PAPPA: variants seen among roughly 807,000 people sequenced by gnomAD.
The protein encoded by PAPPA is pappalysin-1.
PAPPA carries 60 observed loss-of-function variants against 164.0 expected under a neutral mutation model. The ratio of observed to expected loss-of-function variants is 0.37; its 90% CI spans 0.30 to 0.45. PAPPA has a LOEUF of 0.45. Ranked by LOEUF, PAPPA falls within the 20% of genes least tolerant of loss-of-function variation. The pLI, the probability that PAPPA is intolerant of heterozygous loss-of-function variation, is 1.00. For missense variants in PAPPA, 1,782 were observed against 2,087.3 expected (o/e 0.85, Z 2.85); for synonymous variants, 875 against 814.1 (o/e 1.07, Z -1.27).
At position 116,187,450 on chromosome 9, in the gene PAPPA, C is replaced by T; in HGVS notation, c.712C>T (p.Leu238Phe). The T allele has an allele frequency of 6.2e-7, 1 of 1,614,162 alleles. No homozygotes were observed. ...CCCACTGACCCAGAAGTGCAAAGTGCTCATGTTAGGGGGCAGTGCCCTGAA... is the reference window on the plus strand; with the variant it reads ...CCCACTGACCCAGAAGTGCAAAGTGTTCATGTTAGGGGGCAGTGCCCTGAA... ...FSPLTQKCKV[L>F]MLGGSALNHN... The change falls in exon 2 of 22, where the codon CTC (leucine) becomes TTC (phenylalanine). Residue 238 changes from leucine to phenylalanine, a missense_variant. Transcript: ENST00000328252. The surrounding 1 kb of genome is among the most constrained non-coding windows in gnomAD (Gnocchi z 4.2).
chr9:116,235,028 C>G, intron 6 of PAPPA, 111 bp from the exon 7 acceptor site: 1 of 1,203,048 alleles, frequency 8.3e-7, no homozygotes, highest in Non-Finnish European at 1.2e-6. Flanking sequence ...CTCCTTTTCC[C>G]CTCTGTCTAA....
At chr9:116,274,362 A>T (rs1236049315) in intron 9 of PAPPA, among the ~76,000 whole-genome samples, 1 of 152,246 alleles carries the variant, frequency 6.6e-6, no homozygotes, top group African/African-American at 2.4e-5. Context: ...CAGGGACTAC[A>T]TTCCAAGGAC....
intron 7 of PAPPA, among the ~76,000 whole-genome samples, chr9:116,246,492 G>GA (rs1844798571): frequency 6.6e-6 from 1 of 152,146 alleles, no homozygotes; most frequent in African/African-American, 2.4e-5. Flanking sequence ...TTACAGCTGA[G>GA]AAAACTAATG....
intron 18 of PAPPA, among the ~76,000 whole-genome samples, chr9:116,366,736 G>T (rs1229774918): frequency 6.6e-6 from 1 of 152,168 alleles, no homozygotes; most frequent in African/African-American, 2.4e-5. Flanking sequence ...GAGAGCTATT[G>T]ATATCACACT....
At chr9:116,364,421 A>G (rs1846472235) in intron 18 of PAPPA, among the ~76,000 whole-genome samples, 1 of 152,218 alleles carries the variant, frequency 6.6e-6, no homozygotes, top group Admixed American at 6.5e-5. Context: ...GAAATGCTTC[A>G]TAAACAAACA....
chr9:116,375,483 A>G (rs545688542), intron 19 of PAPPA, among the ~76,000 whole-genome samples: 1 of 152,374 alleles, frequency 6.6e-6, no homozygotes, highest in South Asian at 2.1e-4. Context: ...CTGATGCTCT[A>G]GAAGACAGGA....
rs888306043 is a variant in PAPPA at position 116,388,921 on chromosome 9, C to T, written c.4776+6428C>T. ...GAGAACATGGTTTCTTAAGAAAAGA[C>T]ATTATACCCAACATGTAGCACATTG... On this transcript the variant is annotated intron_variant, in intron 21 of 21. Coordinates refer to ENST00000328252, the MANE Select transcript of PAPPA (RefSeq NM_002581.5). Among the ~76,000 whole-genome samples the T allele has an allele frequency of 6.6e-5, 10 of 152,270 alleles. No homozygotes were observed. In the East Asian group the frequency reaches 1.9e-3, roughly 29 times the overall value.
At chr9:116,210,660 G>A (rs940445087) in intron 3 of PAPPA, among the ~76,000 whole-genome samples, 34 of 152,090 alleles carry the variant, frequency 2.2e-4, no homozygotes, top group African/African-American at 8.0e-4. Context: ...GATCTGTTCT[G>A]TCTATCTGCC....
At chr9:116,155,485 C>T (rs1843591284) in intron 1 of PAPPA, among the ~76,000 whole-genome samples, 1 of 152,200 alleles carries the variant, frequency 6.6e-6, no homozygotes, top group African/African-American at 2.4e-5. Flanking sequence ...GTGGGGGCGG[C>T]GCTGGAAGAG....
chr9:116,265,762 A>G (rs1845059951), intron 7 of PAPPA, 95 bp from the exon 8 acceptor site: 3 of 981,628 alleles, frequency 3.1e-6, no homozygotes, highest in African/African-American at 1.6e-5. Flanking sequence ...AATGAGCAAG[A>G]CTGATAGAAC....
At chr9:116,394,075 G>A (rs1293461100) in intron 21 of PAPPA, among the ~76,000 whole-genome samples, 1 of 152,174 alleles carries the variant, frequency 6.6e-6, no homozygotes, top group Non-Finnish European at 1.5e-5. Flanking sequence ...GAATATTAGA[G>A]AAGACATTAG....
intron 1 of PAPPA, among the ~76,000 whole-genome samples, chr9:116,185,604 C>T (rs2118623529): frequency 6.6e-6 from 1 of 152,276 alleles, no homozygotes; most frequent in Non-Finnish European, 1.5e-5. Context: ...TCTTTCTTCT[C>T]CCACCTGGCC....
In PAPPA at chr9:116,196,781, A is replaced by G. The variant is rs533665594; in HGVS notation, c.1478+8565A>G. Among the ~76,000 whole-genome samples the G allele has an allele frequency of 2.3e-4, 35 of 151,692 alleles. No homozygotes were observed. The South Asian group carries it at 6.7e-3, about 29-fold the overall frequency. The stretch of plus-strand genomic sequence containing the variant: ...CTTCTCTTTCTCTTTTCCATGTTCT[A>G]GGTTGTTTTAGTGGCCTGGTGGTGA... On this transcript the variant is annotated intron_variant, in intron 2 of 21. Transcript: ENST00000328252.
chr9:116,302,950 G>A lies in PAPPA; in HGVS notation c.3147G>A (p.Gln1049=), dbSNP rs779339855. ...WVIIGQPAAS[Q]VCRTKVIDLS... ...TCATCGGACAGCCAGCAGCATCCCAGGTAAGATCCTAACCATGTGTGGCAT... is the reference window on the plus strand; with the variant it reads ...TCATCGGACAGCCAGCAGCATCCCAAGTAAGATCCTAACCATGTGTGGCAT... The change falls in exon 10 of 22, where the codon CAG becomes CAA. Residue 1049 remains glutamine, a splice_region_variant and synonymous_variant. Transcript: ENST00000328252. The A allele has an allele frequency of 1.4e-5, 22 of 1,612,770 alleles. No individual in the cohort carries two copies. The highest frequency in any genetic ancestry group is 1.9e-5 in the Non-Finnish European group (22 of 1,179,636).
intron 17 of PAPPA, among the ~76,000 whole-genome samples, chr9:116,362,050 TGAAA>T (rs1474077143): frequency 6.6e-6 from 1 of 151,918 alleles, no homozygotes; most frequent in Non-Finnish European, 1.5e-5. Flanking sequence ...TGGAATGGAA[TGAAA>T]GAAAGAGAAG....
At chr9:116,180,239 A>G (rs1460112746) in intron 1 of PAPPA, among the ~76,000 whole-genome samples, 3 of 152,108 alleles carry the variant, frequency 2.0e-5, no homozygotes, top group East Asian at 1.9e-4. Context: ...CTATTCACCC[A>G]GGGACCACAG....
At chr9:116,246,944 C>A (rs1028932479) in intron 7 of PAPPA, among the ~76,000 whole-genome samples, 1 of 151,968 alleles carries the variant, frequency 6.6e-6, no homozygotes, top group African/African-American at 2.4e-5. Flanking sequence ...TCACTTGAGG[C>A]TGGGAGGGAA....
At chr9:116,351,321 TA>T (rs1369362064) in intron 15 of PAPPA, among the ~76,000 whole-genome samples, 1 of 152,162 alleles carries the variant, frequency 6.6e-6, no homozygotes, top group African/African-American at 2.4e-5. Flanking sequence ...TCAGAGCTAC[TA>T]ATGAAGATGA....
chr9:116,267,916 G>T lies in PAPPA; in HGVS notation c.2861+1931G>T, dbSNP rs574687547. On this transcript the variant is annotated intron_variant, in intron 8 of 21. Coordinates refer to ENST00000328252, the MANE Select transcript of PAPPA (RefSeq NM_002581.5). ...AAAAAAAAAAAAAAAAAAAGAAATG[G>T]CATTAAAAAAATATTGGCACTGATG... Among the ~76,000 whole-genome samples, 3 of 145,170 alleles carry T rather than the reference G, an allele frequency of 2.1e-5. No individual in the cohort carries two copies. The South Asian group carries it at 6.6e-4, about 32-fold the overall frequency.
Sources: gnomAD v4.1 joint callset for allele counts (sites outside exome capture counted in the v4.1 genomes callset) on GRCh38, gnomAD v4.1.1 for gene constraint, Gnocchi (gnomAD v3.1) non-coding constraint, MANE v1.5 for transcripts, NCBI Gene and HGNC (gene_info 2026-07-23, HGNC 2026-07-21) for gene names.